The following PREX1 variants were observed in gnomAD, a reference collection of about 807,000 sequenced individuals.
PREX1 encodes the protein phosphatidylinositol-3,4,5-trisphosphate dependent Rac exchange factor 1, also known as phosphatidylinositol 3,4,5-trisphosphate-dependent Rac exchanger 1 protein.
Under a neutral mutation model 198.3 loss-of-function variants are expected in PREX1, and 41 were observed. The ratio of observed to expected loss-of-function variants is 0.21; its 90% CI spans 0.16 to 0.27. PREX1 has a LOEUF of 0.27. Among genes scored for constraint, PREX1 ranks in the 10% least tolerant of loss-of-function variants. PREX1 has a pLI of 1.00. For synonymous variants in PREX1, 843 were observed against 887.2 expected (o/e 0.95, Z 0.89); for missense variants, 1,620 against 2,200.7 (o/e 0.74, Z 5.28).
intron 6 of PREX1, among the ~76,000 whole-genome samples, chr20:48,706,679 G>C (rs2089904539): frequency 6.6e-6 from 1 of 152,234 alleles, no homozygotes; most frequent in Non-Finnish European, 1.5e-5. Flanking sequence ...GACCAAATCA[G>C]AGCTCTGACA....
chr20:48,680,814 G>A (rs2089744346), intron 11 of PREX1, among the ~76,000 whole-genome samples: 1 of 152,000 alleles, frequency 6.6e-6, no homozygotes, highest in African/African-American at 2.4e-5. Flanking sequence ...TTACTATCTT[G>A]CTTTGTAAAG....
intron 5 of PREX1, among the ~76,000 whole-genome samples, chr20:48,709,383 A>G (rs1184158596): frequency 6.6e-6 from 1 of 152,184 alleles, no homozygotes; most frequent in Non-Finnish European, 1.5e-5. Context: ...CATCGTAGTT[A>G]CGAGCACAAA....
intron 25 of PREX1, among the ~76,000 whole-genome samples, chr20:48,647,271 C>G (rs779963374): frequency 6.6e-5 from 10 of 152,060 alleles, no homozygotes; most frequent in Non-Finnish European, 1.3e-4. Flanking sequence ...ATCTGTAATC[C>G]CAGCACTTTG....
At chr20:48,626,672 G>A (rs190960724) in intron 39 of PREX1, among the ~76,000 whole-genome samples, 4 of 152,350 alleles carry the variant, frequency 2.6e-5, no homozygotes, top group East Asian at 1.9e-4. Flanking sequence ...AGCCCCCAGC[G>A]CCACAGCACG....
Position 48,690,833 on chromosome 20 carries a change from G to A in PREX1, c.1186+114C>T. On this transcript the variant is annotated intron_variant, in intron 9 of 39. Transcript: ENST00000371941. ...TCCCTTCAAATACCTGCTTCTTACA[G>A]CTCTGATCCTCCTGAAAAGGACCCT... is the stretch of plus-strand genomic sequence containing the variant. The A allele has an allele frequency of 2.1e-6, 3 of 1,445,920 alleles. No individual in the cohort carries two copies. The South Asian group carries it at 3.8e-5, about 18-fold the overall frequency. 89.6% of individuals were successfully genotyped at this position (1,445,920 alleles called of 1,614,324 possible). A position where few individuals can be genotyped will look rare whatever the true frequency, so the allele number is the denominator to read the frequency against.
intron 29 of PREX1, 24 bp downstream of exon 29, chr20:48,642,144 A>T: frequency 3.1e-6 from 5 of 1,609,504 alleles, no homozygotes; most frequent in Non-Finnish European, 4.3e-6. Context: ...GCAGGCTGTC[A>T]CCTTGGACTG....
In PREX1 at chr20:48,773,229, T is replaced by C. The variant is rs561105044; in HGVS notation, c.220-25349A>G. 1.9e-3 allele frequency among the ~76,000 whole-genome samples: 242 copies of C among 130,154 alleles called. 2 individuals carry two copies. The highest frequency in any genetic ancestry group is 7.0e-3 in the African/African-American group (235 of 33,486). 85.4% of individuals were successfully genotyped at this position (130,154 alleles called of 152,430 possible). On this transcript the variant is annotated intron_variant, in intron 1 of 39. Transcript: ENST00000371941. ...TTGTAGTGAGCCGAGATCACGCCAC[T>C]GCACTCCAGCCTGAGTGATAGAGTG... is the stretch of plus-strand genomic sequence containing the variant.
chr20:48,749,971 C>G (rs2090127074), intron 1 of PREX1, among the ~76,000 whole-genome samples: 1 of 152,088 alleles, frequency 6.6e-6, no homozygotes. Context: ...CCCCCAGACT[C>G]TTATCTCCAG....
rs184126074 is a variant in PREX1, at chr20:48,812,261, T to C, written c.219+15381A>G. Among the ~76,000 whole-genome samples the C allele has an allele frequency of 2.9e-4, 43 of 150,532 alleles. 2 individuals carry two copies. The highest frequency in any genetic ancestry group is 1.0e-3 in the African/African-American group (42 of 40,134). ...CAATATAAGAGGAATGGGTAAATAATATAAGAGGAATGGGTAAATAACATA... is the reference window on the plus strand; with the variant it reads ...CAATATAAGAGGAATGGGTAAATAACATAAGAGGAATGGGTAAATAACATA... On this transcript the variant is annotated intron_variant, in intron 1 of 39. Transcript: ENST00000371941.
At chr20:48,695,322 C>T (rs1323502171) in intron 7 of PREX1, among the ~76,000 whole-genome samples, 1 of 152,192 alleles carries the variant, frequency 6.6e-6, no homozygotes. Flanking sequence ...ACCCGTGCTG[C>T]TGGGTATAGT....
rs191187119 is a variant in PREX1, at chr20:48,787,471, C to T, written c.220-39591G>A. The stretch of plus-strand genomic sequence containing the variant: ...CGAATGCCCGCTGGCAGCAAACAGC[C>T]CCCGGCCAGCCGGGGTCCACAAGAG... On this transcript the variant is annotated intron_variant, in intron 1 of 39. Transcript: ENST00000371941. 3.6e-4 allele frequency among the ~76,000 whole-genome samples: 55 copies of T among 151,986 alleles called. No homozygotes were observed. In the East Asian group the frequency reaches 4.4e-3, roughly 12 times the overall value.
intron 11 of PREX1, among the ~76,000 whole-genome samples, chr20:48,680,112 A>C (rs986470673): frequency 6.6e-6 from 1 of 152,122 alleles, no homozygotes; most frequent in African/African-American, 2.4e-5. Context: ...TAGATCACCA[A>C]TGGATGGGTG....
chr20:48,676,292 T>TGAGCA, intron 13 of PREX1, 24 bp from the exon 14 acceptor site: 1 of 1,608,520 alleles, frequency 6.2e-7, no homozygotes, highest in Non-Finnish European at 8.5e-7. Context: ...GAGCGCACAG[T>TGAGCA]GAGCAGGGCA....
At chr20:48,737,594 C>A (rs6066831) in intron 3 of PREX1, among the ~76,000 whole-genome samples, 10,838 of 152,232 alleles carry the variant, frequency 0.071, 484 homozygotes, top group South Asian at 0.18. Context: ...TGGTCCCACC[C>A]CACCCCAGGG....
At position 48,643,240 on chromosome 20, in the gene PREX1, G is replaced by T. The variant is rs555884313; in HGVS notation, c.3602-751C>A. ...AATCCCAGCAATTTGGGAGGCCGGGGCAGGCGGATCACAAGGTCAAGAGAT... is the reference window on the plus strand; with the variant it reads ...AATCCCAGCAATTTGGGAGGCCGGGTCAGGCGGATCACAAGGTCAAGAGAT... On this transcript the variant is annotated intron_variant, in intron 27 of 39. Coordinates refer to ENST00000371941, the MANE Select transcript of PREX1 (RefSeq NM_020820.4). Among the ~76,000 whole-genome samples, 6 of 152,336 alleles carry T rather than the reference G, an allele frequency of 3.9e-5. No homozygotes were observed. The East Asian group carries it at 1.2e-3, about 29-fold the overall frequency.
chr20:48,807,225 C>A (rs1289411077), intron 1 of PREX1, among the ~76,000 whole-genome samples: 2 of 152,246 alleles, frequency 1.3e-5, no homozygotes, highest in African/African-American at 4.8e-5. Context: ...CAGCCTGAGG[C>A]TACCAAGGCT....
At chr20:48,739,121 C>T (rs1047864286) in intron 3 of PREX1, among the ~76,000 whole-genome samples, 19 of 152,132 alleles carry the variant, frequency 1.2e-4, no homozygotes, top group African/African-American at 4.1e-4. Context: ...CCCACTATGA[C>T]ACCCTCAAAC....
intron 4 of PREX1, among the ~76,000 whole-genome samples, chr20:48,732,693 C>T (rs1026167320): frequency 5.3e-5 from 8 of 152,212 alleles, no homozygotes; most frequent in Non-Finnish European, 8.8e-5. Flanking sequence ...ACAGTGATCA[C>T]ATTTCTAGCT....
intron 23 of PREX1, 119 bp from the exon 24 acceptor site, chr20:48,650,325 C>T (rs544045603): frequency 1.1e-6 from 1 of 947,524 alleles, no homozygotes; most frequent in Non-Finnish European, 1.6e-6. Context: ...GGACAAAATG[C>T]CAGTAGCTCC....
Sources: gnomAD v4.1 joint callset for allele counts (sites outside exome capture counted in the v4.1 genomes callset) on GRCh38, gnomAD v4.1.1 for gene constraint, MANE v1.5 for transcripts, NCBI Gene and HGNC (gene_info 2026-07-23, HGNC 2026-07-21) for gene names.